The following NAV2 variants were observed in gnomAD, a reference collection of about 807,000 sequenced individuals.
NAV2 encodes neuron navigator 2, also known as helicase, APC down-regulated 1.
Under a neutral mutation model 223.2 loss-of-function variants are expected in NAV2, and 54 were observed. The ratio of observed to expected loss-of-function variants is 0.24; its 90% CI spans 0.19 to 0.30. The LOEUF is 0.30. Among genes scored for constraint, NAV2 ranks in the 10% least tolerant of loss-of-function variants. The probability of loss-of-function intolerance (pLI) is 1.00; values close to 1 mark genes in which losing one functional copy is unlikely to be tolerated. For missense variants in NAV2, 2,806 were observed against 3,147.5 expected (o/e 0.89, Z 2.60); for synonymous variants, 1,279 against 1,239.3 (o/e 1.03, Z -0.67).
intron 4 of NAV2, 147 bp downstream of exon 4, chr11:19,869,144 T>A: frequency 1.4e-6 from 1 of 739,690 alleles, no homozygotes; most frequent in Non-Finnish European, 2.2e-6. Flanking sequence ...AGTGGTTGCC[T>A]AGACTTGAGG....
intron 1 of NAV2, among the ~76,000 whole-genome samples, chr11:19,644,080 G>GCACACACACA (rs151050783): frequency 6.6e-6 from 1 of 151,142 alleles, no homozygotes; most frequent in Admixed American, 6.6e-5. Context: ...GTGTGCATGT[G>GCACACACACA]CACACACACA....
intron 19 of NAV2, among the ~76,000 whole-genome samples, chr11:20,061,871 C>T (rs1391268863): frequency 1.3e-5 from 2 of 152,040 alleles, no homozygotes; most frequent in Non-Finnish European, 2.9e-5. Flanking sequence ...GGGTAAAAAA[C>T]TGTATTTGGA....
rs141779533 is a variant in NAV2, at chr11:19,474,460, C to T, written c.75+123433C>T. Among the ~76,000 whole-genome samples the T allele has an allele frequency of 8.1e-3, 1,231 of 152,272 alleles. 21 individuals are homozygous for T. Among genetic ancestry groups the T allele is most frequent in the African/African-American group, 0.027 (1,138 of 41,542 alleles). On this transcript the variant is annotated intron_variant, in intron 1 of 37. Transcript: ENST00000360655. ...TTATTAGAAAGCATCAAACAATACACGTATGTGTAGCCATAGAAAATGTAT... is the reference window on the plus strand; with the variant it reads ...TTATTAGAAAGCATCAAACAATACATGTATGTGTAGCCATAGAAAATGTAT...
intron 3 of NAV2, among the ~76,000 whole-genome samples, chr11:19,845,391 A>G (rs1050737144): frequency 5.3e-5 from 8 of 152,240 alleles, no homozygotes; most frequent in African/African-American, 1.9e-4. Flanking sequence ...AAGATGACAC[A>G]CAATGAGATG....
chr11:19,719,774 C>T (rs189686239), intron 1 of NAV2, among the ~76,000 whole-genome samples: 9 of 152,270 alleles, frequency 5.9e-5, no homozygotes, highest in African/African-American at 2.2e-4. Context: ...TTAAGAACAA[C>T]GTCATCCAAA....
chr11:19,928,880 C>T (rs1214853342), intron 6 of NAV2, among the ~76,000 whole-genome samples: 1 of 152,164 alleles, frequency 6.6e-6, no homozygotes, highest in Non-Finnish European at 1.5e-5. Context: ...CCACCCACAC[C>T]TCCCCTTTGT....
intron 36 of NAV2, among the ~76,000 whole-genome samples, chr11:20,108,110 G>C (rs2062301097): frequency 6.6e-6 from 1 of 152,234 alleles, no homozygotes; most frequent in African/African-American, 2.4e-5. Context: ...CCATACACAT[G>C]TGTAGTACTT....
intron 5 of NAV2, among the ~76,000 whole-genome samples, chr11:19,887,949 GT>G (rs34601696): frequency 0.17 from 25,266 of 147,676 alleles, 2,416 homozygotes; most frequent in East Asian, 0.4. Flanking sequence ...GGAAAGAACT[GT>G]TTTTTTTTTT....
At chr11:19,867,655 G>A (rs1364709593) in intron 3 of NAV2, among the ~76,000 whole-genome samples, 1 of 152,226 alleles carries the variant, frequency 6.6e-6, no homozygotes, top group Non-Finnish European at 1.5e-5. Context: ...TGAGATGGAG[G>A]TTGGAAAGGA....
At chr11:19,679,987 A>G (rs1456381425) in intron 1 of NAV2, among the ~76,000 whole-genome samples, 1 of 152,198 alleles carries the variant, frequency 6.6e-6, no homozygotes, top group Non-Finnish European at 1.5e-5. Flanking sequence ...GGGCCAAGGC[A>G]CCTGGAGTGA....
intron 3 of NAV2, among the ~76,000 whole-genome samples, chr11:19,861,566 C>A (rs2061793519): frequency 6.6e-6 from 1 of 152,186 alleles, no homozygotes; most frequent in Non-Finnish European, 1.5e-5. Flanking sequence ...GTTATAATGA[C>A]CATTTTATAG....
chr11:19,695,697 A>G (rs2152272283), intron 1 of NAV2, among the ~76,000 whole-genome samples: 1 of 152,250 alleles, frequency 6.6e-6, no homozygotes, highest in South Asian at 2.1e-4. Flanking sequence ...TGAGGTCAGG[A>G]GTTCAATACC....
chr11:19,589,259 GAACA>G (rs1404336879), intron 1 of NAV2, among the ~76,000 whole-genome samples: 1 of 152,060 alleles, frequency 6.6e-6, no homozygotes, highest in Non-Finnish European at 1.5e-5. Context: ...CCAATCAAAC[GAACA>G]AACAAAAAAA....
intron 11 of NAV2, among the ~76,000 whole-genome samples, chr11:20,031,223 A>C (rs1401563590): frequency 6.6e-6 from 1 of 152,220 alleles, no homozygotes; most frequent in Admixed American, 6.5e-5. Context: ...TCATTTCACC[A>C]CATAGTAAAC....
At chr11:19,850,542 G>C (rs1294301382) in intron 3 of NAV2, among the ~76,000 whole-genome samples, 1 of 152,162 alleles carries the variant, frequency 6.6e-6, no homozygotes, top group Non-Finnish European at 1.5e-5. Context: ...GCTGAGCAGT[G>C]CTTTGAGCAC....
intron 2 of NAV2, among the ~76,000 whole-genome samples, chr11:19,838,145 G>A (rs567464695): frequency 2.6e-5 from 4 of 152,256 alleles, no homozygotes; most frequent in African/African-American, 7.2e-5. Flanking sequence ...AAAATGAAAA[G>A]TTAAAAAGAA....
At chr11:19,996,352 G>A (rs991784406) in intron 11 of NAV2, among the ~76,000 whole-genome samples, 2 of 152,178 alleles carry the variant, frequency 1.3e-5, no homozygotes, top group African/African-American at 4.8e-5. Context: ...CACTGCATCT[G>A]GATTTCTGAC....
At chr11:19,482,227 C>T (rs764645528) in intron 1 of NAV2, among the ~76,000 whole-genome samples, 1 of 152,146 alleles carries the variant, frequency 6.6e-6, no homozygotes, top group African/African-American at 2.4e-5. Flanking sequence ...GATAGTGAAA[C>T]TGAAGCCCAT....
In NAV2 at chr11:19,998,259, C is replaced by T. The variant is rs983016242; in HGVS notation, c.2768+14012C>T. Among the ~76,000 whole-genome samples the T allele has an allele frequency of 6.6e-6, 1 of 151,946 alleles. No individual in the cohort carries two copies. The highest frequency in any genetic ancestry group is 1.5e-5 in the Non-Finnish European group (1 of 67,994). On this transcript the variant is annotated intron_variant, in intron 11 of 37. Coordinates refer to ENST00000349880, the MANE Select transcript of NAV2 (RefSeq NM_145117.5). The surrounding 1 kb of genome is among the most constrained non-coding windows in gnomAD (Gnocchi z 5.0). ...CTTCTCTCTGTCTCTGTGTTTCTCCCTGTCTCTCTGCTTCTCTCTCTCCCT... is the reference window on the plus strand; with the variant it reads ...CTTCTCTCTGTCTCTGTGTTTCTCCTTGTCTCTCTGCTTCTCTCTCTCCCT...
Sources: gnomAD v4.1 joint callset for allele counts (sites outside exome capture counted in the v4.1 genomes callset) on GRCh38, gnomAD v4.1.1 for gene constraint, Gnocchi (gnomAD v3.1) non-coding constraint, MANE v1.5 for transcripts, NCBI Gene and HGNC (gene_info 2026-07-23, HGNC 2026-07-21) for gene names.